EFCAB5: variants seen among roughly 807,000 people sequenced by gnomAD.
The protein encoded by EFCAB5 is EF-hand calcium binding domain 5, also known as EF-hand calcium-binding domain-containing protein 5.
In EFCAB5, 131 loss-of-function variants were observed where a neutral mutation model predicts 167.9. The ratio of observed to expected loss-of-function variants is 0.78; its 90% confidence interval spans 0.68 to 0.90. EFCAB5 has a LOEUF of 0.90. Among genes scored for constraint, EFCAB5 ranks in the 40% least tolerant of loss-of-function variants. The probability of loss-of-function intolerance (pLI) is 0.00; values close to 1 mark genes in which losing one functional copy is unlikely to be tolerated. For missense variants in EFCAB5, 1,663 were observed against 1,745.2 expected (o/e 0.95, Z 0.84); for synonymous variants, 574 against 602.8 (o/e 0.95, Z 0.70).
intron 3 of EFCAB5, among the ~76,000 whole-genome samples, chr17:29,951,556 C>T (rs904903392): frequency 6.6e-6 from 1 of 151,326 alleles, no homozygotes; most frequent in Non-Finnish European, 1.5e-5. Context: ...GGGGTTTCAC[C>T]ATGTTAGCCA....
chr17:29,972,361 A>C (rs2067975135), intron 4 of EFCAB5, among the ~76,000 whole-genome samples: 1 of 151,964 alleles, frequency 6.6e-6, no homozygotes, highest in Non-Finnish European at 1.5e-5. Flanking sequence ...GGCATTTTTT[A>C]AATGGATTCC....
At chr17:30,102,239 G>A (rs974392921) in intron 22 of EFCAB5, among the ~76,000 whole-genome samples, 1 of 152,214 alleles carries the variant, frequency 6.6e-6, no homozygotes, top group African/African-American at 2.4e-5. Flanking sequence ...GAAGCTGAAA[G>A]CAGAGTCATC....
At chr17:29,974,833 T>G (rs569482758) in intron 4 of EFCAB5, among the ~76,000 whole-genome samples, 2 of 152,256 alleles carry the variant, frequency 1.3e-5, no homozygotes, top group African/African-American at 4.8e-5. Flanking sequence ...TATTAGTGGA[T>G]ACTGAAATTT....
At chr17:29,943,059 T>C (rs2067326361) in intron 2 of EFCAB5, among the ~76,000 whole-genome samples, 1 of 151,358 alleles carries the variant, frequency 6.6e-6, no homozygotes. Context: ...TATATATATA[T>C]ATATAGTCAG....
chr17:29,936,945 G>A (rs1434607549), upstream of EFCAB5, among the ~76,000 whole-genome samples: 1 of 152,192 alleles, frequency 6.6e-6, no homozygotes, highest in African/African-American at 2.4e-5. Context: ...ACTGCTTCAG[G>A]TGTTTCTTGC....
At chr17:29,993,091 G>T in intron 4 of EFCAB5, 74 bp from the exon 5 acceptor site, 1 of 1,379,770 alleles carries the variant, frequency 7.2e-7, no homozygotes, top group Non-Finnish European at 9.6e-7. Flanking sequence ...AAGAGAGTCT[G>T]AATTCCTGTG....
In EFCAB5 at chr17:30,092,059, G is replaced by T. The variant is rs113144600; in HGVS notation, c.4126G>T (p.Val1376Leu). 1.7e-5 allele frequency: 27 copies of T among 1,613,924 alleles called. 1 individual carries two copies. Among genetic ancestry groups the T allele is most frequent in the African/African-American group, 1.6e-4 (12 of 75,020 alleles). The change falls in exon 21 of 23, where the codon GTG becomes TTG. Residue 1376 changes from valine (V) to leucine (L), a missense_variant. Physicochemically the swap from Val to Leu is conservative, Grantham distance 32. Transcript: ENST00000394835. ...DSKSMELEANVKLVRDILKAV... is the reference protein window; with the variant it reads ...DSKSMELEANLKLVRDILKAV... ...CAAATCTATGGAGTTGGAAGCCAAC[G>T]TGAAACTAGTGCGTGACATCCTGAA...
chr17:30,008,783 C>G (rs918649929), intron 7 of EFCAB5, among the ~76,000 whole-genome samples: 1 of 152,062 alleles, frequency 6.6e-6, no homozygotes, highest in Non-Finnish European at 1.5e-5. Flanking sequence ...AATTTACAAA[C>G]TGCATTTATT....
intron 14 of EFCAB5, chr17:30,073,688 T>C: frequency 5.6e-6 from 4 of 715,456 alleles, no homozygotes; most frequent in South Asian, 4.5e-5. Context: ...CAAATTTCCA[T>C]AAAATGAGAT....
At position 30,094,507 on chromosome 17, in the gene EFCAB5, CAAAAAAAAA is replaced by C. The variant is rs57885339; in HGVS notation, c.4321+1590_4321+1598del. Among the ~76,000 whole-genome samples, 48 of 40,716 alleles carry C rather than the reference CAAAAAAAAA, an allele frequency of 1.2e-3. 1 individual carries two copies. In the South Asian group the frequency reaches 0.013, roughly 11 times the overall value. The allele number at this position is 40,716 out of a possible 152,430, so 26.7% of individuals were successfully genotyped here. On this transcript the variant is annotated intron_variant, in intron 22 of 22. Transcript: ENST00000394835. The stretch of plus-strand genomic sequence containing the variant: ...ACAACATGGCAAAATCTTGTCTCTC[CAAAAAAAAA>C]AAAAAAAAAAAAAAAAAATAACTGG...
intron 1 of EFCAB5, among the ~76,000 whole-genome samples, chr17:29,935,507 T>C (rs1277391796): frequency 6.6e-6 from 1 of 152,008 alleles, no homozygotes; most frequent in Non-Finnish European, 1.5e-5. Context: ...TGCAGTGAGC[T>C]ATGACTGTGC....
intron 8 of EFCAB5, among the ~76,000 whole-genome samples, 170 bp downstream of exon 8, chr17:30,034,555 C>T (rs2069568497): frequency 6.6e-6 from 1 of 152,094 alleles, no homozygotes. Flanking sequence ...ACAAACTTTA[C>T]TGAAATATAT....
intron 5 of EFCAB5, among the ~76,000 whole-genome samples, chr17:29,996,098 A>AT (rs944955348): frequency 5.9e-5 from 9 of 151,874 alleles, no homozygotes; most frequent in African/African-American, 1.9e-4. Context: ...AAATCCATGC[A>AT]TTTTTTTTCA....
intron 3 of EFCAB5, among the ~76,000 whole-genome samples, chr17:29,962,876 G>A (rs2067750521): frequency 1.3e-5 from 2 of 152,070 alleles, no homozygotes; most frequent in African/African-American, 4.8e-5. Flanking sequence ...TTCTTTTCTT[G>A]TTACTCATTT....
chr17:30,013,716 G>C (rs2068962650), intron 7 of EFCAB5, among the ~76,000 whole-genome samples: 1 of 152,084 alleles, frequency 6.6e-6, no homozygotes, highest in African/African-American at 2.4e-5. Context: ...AGTCTTGCTA[G>C]CGGTCTATCA....
At chr17:30,066,146 G>T (rs991720271) in intron 14 of EFCAB5, among the ~76,000 whole-genome samples, 6 of 152,136 alleles carry the variant, frequency 3.9e-5, no homozygotes, top group African/African-American at 1.4e-4. Context: ...GCTAGCTGCA[G>T]AATACACCTC....
At position 30,031,167 on chromosome 17, in the gene EFCAB5, C is replaced by T. The variant is rs973299966; in HGVS notation, c.1045-3063C>T. 6.6e-5 allele frequency among the ~76,000 whole-genome samples: 10 copies of T among 152,080 alleles called. No individual in the cohort carries two copies. In the South Asian group the frequency reaches 1.2e-3, roughly 19 times the overall value. ...GATCAAACAACAGGATCTTAGGATA[C>T]GGGACTAATCAGGACCAGATACCCC... On this transcript the variant is annotated intron_variant, in intron 7 of 22. Coordinates refer to ENST00000394835, the MANE Select transcript of EFCAB5 (RefSeq NM_198529.4).
chr17:30,078,542 C>A, intron 15 of EFCAB5, 38 bp downstream of exon 15: 2 of 1,504,772 alleles, frequency 1.3e-6, no homozygotes, highest in South Asian at 1.3e-5. Flanking sequence ...GGAAACATTT[C>A]CTCAAAGTAG....
chr17:30,003,537 T>A (rs2068711116), intron 7 of EFCAB5, among the ~76,000 whole-genome samples: 1 of 151,622 alleles, frequency 6.6e-6, no homozygotes, highest in Non-Finnish European at 1.5e-5. Context: ...CCAGCCTTGT[T>A]GTTTTTTTAA....
Sources: allele counts gnomAD v4.1 joint callset (sites outside exome capture counted in the v4.1 genomes callset), GRCh38; gene constraint gnomAD v4.1.1; transcripts MANE v1.5; gene names NCBI Gene and HGNC (gene_info 2026-07-23, HGNC 2026-07-21).